The following ATP6V0E1 variants were observed in gnomAD, a reference collection of about 807,000 sequenced individuals.
The protein encoded by ATP6V0E1 is ATPase H+ transporting V0 subunit e1, also known as V-type proton ATPase subunit e 1.
In ATP6V0E1, 4 loss-of-function variants were observed where a neutral mutation model predicts 11.6. The observed-to-expected ratio is 0.35, with a 90% CI of 0.17 to 0.79. The LOEUF is 0.79. Ranked by LOEUF, ATP6V0E1 falls within the 30% of genes least tolerant of loss-of-function variation. The probability of loss-of-function intolerance (pLI) is 0.54; values close to 1 mark genes in which losing one functional copy is unlikely to be tolerated. For synonymous variants in ATP6V0E1, 36 were observed against 34.8 expected, an observed-to-expected ratio of 1.04 and a Z score of -0.13; for missense variants, 105 against 100.0, an observed-to-expected ratio of 1.05 and a Z score of -0.21.
intron 3 of ATP6V0E1, among the ~76,000 whole-genome samples, chr5:173,028,216 A>G (rs1356767306): frequency 1.3e-5 from 2 of 152,236 alleles, no homozygotes; most frequent in Non-Finnish European, 2.9e-5. Flanking sequence ...TAACAGAATT[A>G]TAGTGGTATC....
intron 3 of ATP6V0E1, among the ~76,000 whole-genome samples, chr5:173,032,253 A>ATTTTATTTTAT (rs70984930): frequency 5.6e-5 from 7 of 124,368 alleles, no homozygotes; most frequent in African/African-American, 1.5e-4. Context: ...ATTTTATTTT[A>ATTTTATTTTAT]TTTATTTATT....
In ATP6V0E1 at chr5:172,985,109, G is replaced by A. The variant is rs184409687; in HGVS notation, c.104+1145G>A. Among the ~76,000 whole-genome samples the A allele has an allele frequency of 1.4e-4, 21 of 152,154 alleles. 1 individual carries two copies. In the East Asian group the frequency reaches 3.1e-3, roughly 22 times the overall value. On this transcript the variant is annotated intron_variant, in intron 1 of 3. Transcript: ENST00000519374. The stretch of plus-strand genomic sequence containing the variant: ...AAACACAAAAAATTAGCCGGGCGTG[G>A]TGGCGGGCGCCTGTAATCCCAGCTA...
intron 3 of ATP6V0E1, among the ~76,000 whole-genome samples, chr5:173,029,172 G>A (rs1375091293): frequency 6.6e-6 from 1 of 152,200 alleles, no homozygotes; most frequent in Admixed American, 6.5e-5. Flanking sequence ...AGTAGGGGAA[G>A]ACTGGGCTCC....
chr5:172,987,957 C>T (rs1317111641), intron 1 of ATP6V0E1, among the ~76,000 whole-genome samples: 9 of 151,958 alleles, frequency 5.9e-5, no homozygotes, highest in African/African-American at 1.9e-4. Context: ...AAGCAGTCCT[C>T]CCACCTTGGC....
At chr5:172,993,438 G>A (rs1461076524) in intron 1 of ATP6V0E1, among the ~76,000 whole-genome samples, 1 of 151,964 alleles carries the variant, frequency 6.6e-6, no homozygotes, top group Non-Finnish European at 1.5e-5. Context: ...CCTGAGAGGC[G>A]GAGTTTGCAA....
At chr5:172,984,035 C>G in intron 1 of ATP6V0E1, 71 bp downstream of exon 1, 1 of 1,441,596 alleles carries the variant, frequency 6.9e-7, no homozygotes. Context: ...GGGAAAGGCA[C>G]GACCCCCACA....
intron 1 of ATP6V0E1, among the ~76,000 whole-genome samples, chr5:172,987,405 C>G (rs1015240520): frequency 2.6e-5 from 4 of 151,082 alleles, no homozygotes; most frequent in Non-Finnish European, 5.9e-5. Flanking sequence ...TGCCTCAGCC[C>G]CCTGAGTAGT....
At chr5:172,986,514 T>C (rs1049174001) in intron 1 of ATP6V0E1, among the ~76,000 whole-genome samples, 8 of 152,054 alleles carry the variant, frequency 5.3e-5, no homozygotes, top group Non-Finnish European at 1.2e-4. Flanking sequence ...TCCTAGCTAC[T>C]GGGGAGGCTG....
intron 1 of ATP6V0E1, among the ~76,000 whole-genome samples, chr5:172,987,595 C>T (rs1220395046): frequency 6.6e-6 from 1 of 152,020 alleles, no homozygotes; most frequent in Non-Finnish European, 1.5e-5. Flanking sequence ...CCTGCTATAA[C>T]ATCTTTTGCC....
chr5:173,028,543 A>G (rs1442814608), intron 3 of ATP6V0E1, among the ~76,000 whole-genome samples: 1 of 152,204 alleles, frequency 6.6e-6, no homozygotes, highest in Non-Finnish European at 1.5e-5. Flanking sequence ...ACCAGTTATG[A>G]AAGCTTTAGA....
chr5:173,012,272 T>A (rs1368006474), intron 2 of ATP6V0E1, among the ~76,000 whole-genome samples: 1 of 151,786 alleles, frequency 6.6e-6, no homozygotes, highest in African/African-American at 2.4e-5. Flanking sequence ...CCTCAGGTGA[T>A]CCGCCCGCCT....
chr5:173,023,101 C>T (rs1333407286), intron 3 of ATP6V0E1, among the ~76,000 whole-genome samples: 1 of 152,188 alleles, frequency 6.6e-6, no homozygotes, highest in African/African-American at 2.4e-5. Context: ...AAGTGATCCT[C>T]CCACTTTGGC....
intron 2 of ATP6V0E1, 34 bp from the exon 3 acceptor site, chr5:173,020,204 C>G (rs1212340717): frequency 4.6e-6 from 7 of 1,534,992 alleles, no homozygotes; most frequent in Non-Finnish European, 6.3e-6. Context: ...CATGATTTCA[C>G]CGCTTCGTTG....
intron 1 of ATP6V0E1, among the ~76,000 whole-genome samples, chr5:172,985,125 A>G (rs376151298): frequency 0.018 from 2,800 of 151,926 alleles, 84 homozygotes; most frequent in African/African-American, 0.061. Context: ...GGCGCCTGTA[A>G]TCCCAGCTAC....
In ATP6V0E1 at chr5:173,034,448, C is replaced by G; in HGVS notation, c.*86C>G. The stretch of plus-strand genomic sequence containing the variant: ...GATGCAAAATCACCTCCAAACCAGA[C>G]CACTTTTCTTGACTTGCCTGTTTTG... On this transcript the variant is annotated 3_prime_UTR_variant, in exon 4 of 4. Transcript: ENST00000519374. 1 of 702,920 alleles carries G rather than the reference C, an allele frequency of 1.4e-6. No individual in the cohort carries two copies. Among genetic ancestry groups the G allele is most frequent in the South Asian group, 1.5e-5 (1 of 67,594 alleles). 43.5% of individuals were successfully genotyped at this position (702,920 alleles called of 1,614,324 possible). A position where few individuals can be genotyped will look rare whatever the true frequency, so the allele number is the denominator to read the frequency against.
At chr5:173,025,803 C>T (rs1756550881) in intron 3 of ATP6V0E1, among the ~76,000 whole-genome samples, 1 of 151,686 alleles carries the variant, frequency 6.6e-6, no homozygotes, top group Non-Finnish European at 1.5e-5. Context: ...CGGCAAAATA[C>T]TTTCAAGATA....
intron 3 of ATP6V0E1, among the ~76,000 whole-genome samples, chr5:173,025,001 C>G (rs1756535073): frequency 6.6e-6 from 1 of 151,304 alleles, no homozygotes. Flanking sequence ...CGCCACCACG[C>G]CTGGCTAATT....
intron 3 of ATP6V0E1, 24 bp downstream of exon 3, chr5:173,020,391 T>A: frequency 7.3e-7 from 1 of 1,363,434 alleles, no homozygotes. Context: ...TGACCTTTCT[T>A]ATCAGTATGG....
rs1756494998 is a variant in ATP6V0E1, at chr5:173,022,033, T to C, written c.*36+1666T>C. On this transcript the variant is annotated intron_variant, in intron 3 of 3. Transcript: ENST00000519374. ...CTGGGCGACAGAGCAAGACTCCGTCTCAGAAAAAGGAAAATCAGTCTTAAG... is the reference window on the plus strand; with the variant it reads ...CTGGGCGACAGAGCAAGACTCCGTCCCAGAAAAAGGAAAATCAGTCTTAAG... Among the ~76,000 whole-genome samples, 3 of 152,190 alleles carry C rather than the reference T, an allele frequency of 2.0e-5. No individual in the cohort carries two copies. The South Asian group carries it at 6.2e-4, about 31-fold the overall frequency.
Sources: gnomAD v4.1 joint callset for allele counts (sites outside exome capture counted in the v4.1 genomes callset) on GRCh38, gnomAD v4.1.1 for gene constraint, MANE v1.5 for transcripts, NCBI Gene and HGNC (gene_info 2026-07-23, HGNC 2026-07-21) for gene names.